The following ANXA4 variants were observed in gnomAD, a reference collection of about 807,000 sequenced individuals.
The protein encoded by ANXA4 is annexin A4.
A neutral mutation model predicts 49.8 loss-of-function variants in ANXA4; 39 were observed. The ratio of observed to expected loss-of-function variants is 0.78; its 90% confidence interval spans 0.61 to 1.02. The LOEUF is 1.02. Ranked by LOEUF, ANXA4 falls within the 50% of genes least tolerant of loss-of-function variation. ANXA4 has a pLI of 0.00. For missense variants in ANXA4, 360 were observed against 410.1 expected, an observed-to-expected ratio of 0.88 and a Z score of 1.05; for synonymous variants, 134 against 152.5, an observed-to-expected ratio of 0.88 and a Z score of 0.89.
intron 2 of ANXA4, among the ~76,000 whole-genome samples, chr2:69,703,935 G>T (rs957797326): frequency 6.6e-6 from 1 of 151,566 alleles, no homozygotes; most frequent in South Asian, 2.1e-4. Context: ...CCACCCCCCC[G>T]CAGCTTAAAT....
In ANXA4 at chr2:69,757,262, ATATATTTTT is replaced by A. The variant is rs1349610187; in HGVS notation, c.-47+15089_-47+15097del. 5.4e-3 allele frequency among the ~76,000 whole-genome samples: 271 copies of A among 50,130 alleles called. 1 individual carries two copies. Among genetic ancestry groups the A allele is most frequent in the East Asian group, 9.6e-3 (13 of 1,350 alleles). The allele number at this position is 50,130 out of a possible 152,430, so 32.9% of individuals were successfully genotyped here. On this transcript the variant is annotated intron_variant, in intron 1 of 12. Coordinates refer to ENST00000394295, the MANE Select transcript of ANXA4 (RefSeq NM_001153.5). ...TTTATATATATATATATATATATAT[ATATATTTTT>A]TTTTTTTTTTTTTTTTTTAGGTGGA...
rs952203900 is a variant in ANXA4, at chr2:69,743,585, A to G, written c.-47+1410A>G. 2.0e-5 allele frequency among the ~76,000 whole-genome samples: 3 copies of G among 152,186 alleles called. No individual in the cohort carries two copies. The South Asian group carries it at 6.2e-4, about 31-fold the overall frequency. On this transcript the variant is annotated intron_variant, in intron 1 of 12. Coordinates refer to ENST00000394295, the MANE Select transcript of ANXA4 (RefSeq NM_001153.5). ...AGGTGGAAGAGCAAGTAGGAGAGGA[A>G]GTGGACAGGGATAAGAAAACGGATA... is the stretch of plus-strand genomic sequence containing the variant.
chr2:69,821,337 A>G (rs1674234966), intron 12 of ANXA4, among the ~76,000 whole-genome samples: 1 of 152,220 alleles, frequency 6.6e-6, no homozygotes, highest in Non-Finnish European at 1.5e-5. Flanking sequence ...TCTCATGGAC[A>G]TGAAAGTGAG....
chr2:69,674,728 T>C (rs1677329206), intron 2 of ANXA4, among the ~76,000 whole-genome samples: 1 of 152,206 alleles, frequency 6.6e-6, no homozygotes, highest in Non-Finnish European at 1.5e-5. Context: ...CCACACAGGC[T>C]GATTTTCTAG....
chr2:69,748,891 T>G (rs1459889862), intron 1 of ANXA4, among the ~76,000 whole-genome samples: 4 of 151,978 alleles, frequency 2.6e-5, no homozygotes, highest in Admixed American at 2.6e-4. Context: ...TCTGTATTTT[T>G]TTGTAGAGAC....
chr2:69,804,092 C>T (rs1016188329), intron 3 of ANXA4, among the ~76,000 whole-genome samples: 1 of 144,432 alleles, frequency 6.9e-6, no homozygotes, highest in Non-Finnish European at 1.5e-5. Context: ...GAGCTGAGAT[C>T]GCGCCATTGC....
chr2:69,671,940 A>C (rs529667516), intron 2 of ANXA4, among the ~76,000 whole-genome samples: 42 of 152,168 alleles, frequency 2.8e-4, no homozygotes, highest in Non-Finnish European at 4.0e-4. Flanking sequence ...AATTTGCAAA[A>C]CAGTTTGATA....
At chr2:69,693,374 A>G (rs895167481) in intron 2 of ANXA4, among the ~76,000 whole-genome samples, 1 of 152,192 alleles carries the variant, frequency 6.6e-6, no homozygotes, top group Non-Finnish European at 1.5e-5. Context: ...CACGGGAGGT[A>G]GCAGGTCACT....
chr2:69,663,344 T>C (rs1368789420), intron 2 of ANXA4, among the ~76,000 whole-genome samples: 2 of 121,922 alleles, frequency 1.6e-5, no homozygotes, highest in African/African-American at 6.2e-5. Context: ...TATAGCACAC[T>C]TACATAAGAG....
chr2:69,820,895 G>C, intron 12 of ANXA4, 74 bp downstream of exon 12: 1 of 1,481,220 alleles, frequency 6.8e-7, no homozygotes, highest in Non-Finnish European at 9.1e-7. Flanking sequence ...TTTAGCACTT[G>C]TTGTCCCCCT....
chr2:69,764,231 T>A (rs1406071118), intron 1 of ANXA4, among the ~76,000 whole-genome samples: 2 of 152,220 alleles, frequency 1.3e-5, no homozygotes, highest in African/African-American at 4.8e-5. Context: ...GATTTCTGTA[T>A]TAGTTTCACA....
At chr2:69,691,305 G>C (rs547687210) in intron 2 of ANXA4, among the ~76,000 whole-genome samples, 1 of 151,902 alleles carries the variant, frequency 6.6e-6, no homozygotes, top group East Asian at 1.9e-4. Context: ...TGTATTTTTA[G>C]TAGAGACGGG....
intron 2 of ANXA4, among the ~76,000 whole-genome samples, chr2:69,706,614 A>G (rs1335762417): frequency 1.3e-5 from 2 of 152,012 alleles, no homozygotes; most frequent in African/African-American, 4.8e-5. Context: ...TACAATTCCT[A>G]ATAATGGGCC....
At chr2:69,669,659 C>T (rs771364503) in intron 2 of ANXA4, among the ~76,000 whole-genome samples, 8 of 151,928 alleles carry the variant, frequency 5.3e-5, no homozygotes, top group Non-Finnish European at 8.8e-5. Flanking sequence ...ATACCAAAAC[C>T]ACTGTAACAA....
rs146571357 is a variant in ANXA4, at chr2:69,796,923, G to A, written c.98-7610G>A. On this transcript the variant is annotated intron_variant, in intron 3 of 12. Transcript: ENST00000394295. ...TGCTTGCTAACGTCTGGGTTGTCTC[G>A]CGGGGCAAAGAAAGCCTGTGCATAG... Among the ~76,000 whole-genome samples, 756 of 152,194 alleles carry A rather than the reference G, an allele frequency of 5.0e-3. 6 individuals carry two copies. The highest frequency in any genetic ancestry group is 0.015 in the African/African-American group (643 of 41,510).
At chr2:69,715,432 T>A (rs1678848895) in intron 2 of ANXA4, among the ~76,000 whole-genome samples, 1 of 152,160 alleles carries the variant, frequency 6.6e-6, no homozygotes, top group African/African-American at 2.4e-5. Context: ...GGTCTTGAAC[T>A]CCTGGTCTCA....
chr2:69,796,350 C>T (rs1390844293), intron 3 of ANXA4, among the ~76,000 whole-genome samples: 1 of 152,194 alleles, frequency 6.6e-6, no homozygotes, highest in African/African-American at 2.4e-5. Context: ...TCCTGGGGCT[C>T]CTCCCAGTCC....
At chr2:69,718,631 C>T (rs1253266252) in intron 2 of ANXA4, among the ~76,000 whole-genome samples, 1 of 152,158 alleles carries the variant, frequency 6.6e-6, no homozygotes, top group Non-Finnish European at 1.5e-5. Flanking sequence ...TCCTTCTCTC[C>T]CACCAGCCCT....
chr2:69,714,793 CT>C (rs771362384), intron 2 of ANXA4, among the ~76,000 whole-genome samples: 25 of 152,208 alleles, frequency 1.6e-4, no homozygotes, highest in Non-Finnish European at 2.8e-4. Context: ...GGTTCAGAAC[CT>C]CTGCAGTTTT....
Sources: gnomAD v4.1 joint callset for allele counts (sites outside exome capture counted in the v4.1 genomes callset) on GRCh38, gnomAD v4.1.1 for gene constraint, MANE v1.5 for transcripts, NCBI Gene and HGNC (gene_info 2026-07-23, HGNC 2026-07-21) for gene names.